Variants in CRADD observed in about 807,000 individuals in gnomAD.
CRADD encodes the protein CARD and death domain containing adaptor protein, also known as death domain-containing protein CRADD.
In CRADD, 9 loss-of-function variants were observed where a neutral mutation model predicts 15.5. The observed-to-expected ratio is 0.58, with a 90% confidence interval of 0.35 to 1.01. The LOEUF (loss-of-function observed/expected upper bound fraction) is 1.01, where lower values mean the gene tolerates loss of function less well. Among genes scored for constraint, CRADD ranks in the 50% least tolerant of loss-of-function variants. The probability of loss-of-function intolerance (pLI) is 0.02; values close to 1 mark genes in which losing one functional copy is unlikely to be tolerated. For missense variants in CRADD, 227 were observed against 250.3 expected, an observed-to-expected ratio of 0.91 and a Z score of 0.63; for synonymous variants, 118 against 107.6, an observed-to-expected ratio of 1.10 and a Z score of -0.60.
chr12:93,748,824 GTA>G (rs1340448171), intron 2 of CRADD, among the ~76,000 whole-genome samples: 5 of 152,200 alleles, frequency 3.3e-5, no homozygotes, highest in African/African-American at 1.2e-4. Context: ...TTGGAAACAG[GTA>G]TCTTTGGGGC....
rs761719331 is a variant in CRADD, at chr12:93,886,162, C to CTTTTTTTTTTTTTTTTTTTTTT, written c.299-7868_299-7867insTTTTTTTTTTTTTTTTTTTTTT. ...ATGGACATGCCTCTAGCTGCTGATGCTTTTTTTTTTTTTTTTTTTTGAGAC... is the reference window on the plus strand; with the variant it reads ...ATGGACATGCCTCTAGCTGCTGATGCTTTTTTTTTTTTTTTTTTTTTTTTTTTTTTTTTTTTTTTTTTGAGAC... On this transcript the variant is annotated intron_variant, in intron 2 of 2. Coordinates refer to the CRADD transcript ENST00000548483. 4.8e-5 allele frequency among the ~76,000 whole-genome samples: 6 copies of CTTTTTTTTTTTTTTTTTTTTTT among 123,948 alleles called. 1 individual carries two copies. Among genetic ancestry groups the CTTTTTTTTTTTTTTTTTTTTTT allele is most frequent in the Non-Finnish European group, 8.4e-5 (5 of 59,870 alleles). The allele number at this position is 123,948 out of a possible 152,430, so 81.3% of individuals were successfully genotyped here. A position where few individuals can be genotyped will look rare whatever the true frequency, so the allele number is the denominator to read the frequency against.
At chr12:93,680,405 A>G (rs955773106) in intron 2 of CRADD, among the ~76,000 whole-genome samples, 1 of 152,234 alleles carries the variant, frequency 6.6e-6, no homozygotes, top group African/African-American at 2.4e-5. Flanking sequence ...TGGACCTCAT[A>G]TTTTGACATA....
At chr12:93,788,472 G>A (rs1449165590) in intron 2 of CRADD, among the ~76,000 whole-genome samples, 2 of 152,190 alleles carry the variant, frequency 1.3e-5, no homozygotes. Context: ...CACAGTGTGT[G>A]TGGTCTCTGA....
At chr12:93,882,541 A>G (rs117318127) in intron 2 of CRADD, among the ~76,000 whole-genome samples, 343 of 152,078 alleles carry the variant, frequency 2.3e-3, no homozygotes, top group Middle Eastern at 0.01. Flanking sequence ...AAATTTGTAT[A>G]TAAAAGATTT....
intron 2 of CRADD, among the ~76,000 whole-genome samples, chr12:93,699,613 G>A (rs1448783870): frequency 6.6e-6 from 1 of 152,142 alleles, no homozygotes; most frequent in Non-Finnish European, 1.5e-5. Flanking sequence ...TCCTTTGAAG[G>A]AAATCTTTTG....
Position 93,767,873 on chromosome 12 carries a change from C to A in CRADD, c.299-82097C>A, listed in dbSNP as rs554228998. On this transcript the variant is annotated intron_variant, in intron 2 of 2. Coordinates refer to ENST00000332896, the MANE Select transcript of CRADD (RefSeq NM_003805.5). ...AGTCTTCTGAAGAAATACACACAAG[C>A]AAATTCAATTCAACACCACCAAAAA... Among the ~76,000 whole-genome samples the A allele has an allele frequency of 1.2e-4, 18 of 152,338 alleles. No homozygotes were observed. In the South Asian group the frequency reaches 3.5e-3, roughly 30 times the overall value.
At chr12:93,825,130 G>A (rs1957809931) in intron 2 of CRADD, among the ~76,000 whole-genome samples, 1 of 152,152 alleles carries the variant, frequency 6.6e-6, no homozygotes, top group Non-Finnish European at 1.5e-5. Flanking sequence ...TCCCGCGTTG[G>A]TTCTAGGCTC....
chr12:93,876,382 T>C (rs980453138), intron 2 of CRADD, among the ~76,000 whole-genome samples: 1 of 152,240 alleles, frequency 6.6e-6, no homozygotes, highest in African/African-American at 2.4e-5. Context: ...GGAAGTTCTC[T>C]GATATTATTC....
At chr12:93,749,487 G>A (rs752570980) in intron 2 of CRADD, among the ~76,000 whole-genome samples, 13 of 152,200 alleles carry the variant, frequency 8.5e-5, no homozygotes, top group Non-Finnish European at 1.3e-4. Flanking sequence ...TCTAGTGGAT[G>A]TCATGCTATA....
chr12:93,854,382 T>C (rs928654966), downstream of CRADD, among the ~76,000 whole-genome samples: 3 of 151,986 alleles, frequency 2.0e-5, no homozygotes, highest in African/African-American at 7.2e-5. Context: ...GTGGCAGGGG[T>C]TCCCCAGACA....
chr12:93,863,289 G>C (rs1958332002), intron 2 of CRADD, among the ~76,000 whole-genome samples: 1 of 152,246 alleles, frequency 6.6e-6, no homozygotes, highest in East Asian at 1.9e-4. Flanking sequence ...GGAAAGTTCT[G>C]TCTATAGCCC....
At chr12:93,795,073 G>A (rs1246009263) in intron 2 of CRADD, among the ~76,000 whole-genome samples, 3 of 152,142 alleles carry the variant, frequency 2.0e-5, no homozygotes, top group South Asian at 2.1e-4. Flanking sequence ...TTTATGTAAA[G>A]CATTTGTGTT....
rs1177491429 is a variant in CRADD, at chr12:93,822,484, TATGGGCAACTCCAGGC to T, written c.299-27471_299-27456del. Among the ~76,000 whole-genome samples, 5 of 152,130 alleles carry T rather than the reference TATGGGCAACTCCAGGC, an allele frequency of 3.3e-5. No individual in the cohort carries two copies. In the South Asian group the frequency reaches 6.2e-4, roughly 19 times the overall value. On this transcript the variant is annotated intron_variant, in intron 2 of 2. Coordinates refer to ENST00000332896, the MANE Select transcript of CRADD (RefSeq NM_003805.5). ...GCCATGAAGCTGAGACAAGGCTTGGTATGGGCAACTCCAGGCATGGGCAACTCCAGACCTCATCCTA... is the reference window on the plus strand; with the variant it reads ...GCCATGAAGCTGAGACAAGGCTTGGTATGGGCAACTCCAGACCTCATCCTA...
chr12:93,825,828 G>A (rs1957817600), intron 2 of CRADD, among the ~76,000 whole-genome samples: 1 of 152,218 alleles, frequency 6.6e-6, no homozygotes, highest in Non-Finnish European at 1.5e-5. Context: ...TGATGCCACA[G>A]AGGAAGACAG....
downstream of CRADD, among the ~76,000 whole-genome samples, chr12:93,851,101 G>A (rs925819928): frequency 7.9e-5 from 12 of 152,206 alleles, no homozygotes; most frequent in Admixed American, 7.8e-4. Context: ...CTGAAGTGTT[G>A]TGCTCCTAAG....
At chr12:93,696,164 T>C (rs929095688) in intron 2 of CRADD, among the ~76,000 whole-genome samples, 1 of 152,218 alleles carries the variant, frequency 6.6e-6, no homozygotes, top group African/African-American at 2.4e-5. Flanking sequence ...ATAGTCATTA[T>C]GGAAAACAGT....
chr12:93,737,522 TA>T (rs1421530142), intron 2 of CRADD, among the ~76,000 whole-genome samples: 2 of 152,156 alleles, frequency 1.3e-5, no homozygotes, highest in African/African-American at 4.8e-5. Flanking sequence ...GTCACCCAAC[TA>T]AAGCAGTCTG....
intron 2 of CRADD, among the ~76,000 whole-genome samples, chr12:93,776,376 G>A (rs987433769): frequency 6.6e-6 from 1 of 152,214 alleles, no homozygotes; most frequent in African/African-American, 2.4e-5. Flanking sequence ...AAGAGTGTGT[G>A]TATTTAAAAT....
intron 2 of CRADD, among the ~76,000 whole-genome samples, chr12:93,707,356 G>A (rs1307422641): frequency 6.6e-6 from 1 of 152,150 alleles, no homozygotes; most frequent in Non-Finnish European, 1.5e-5. Context: ...ATTAAGAAAG[G>A]GCTCAGCTGG....
Sources: allele counts gnomAD v4.1 joint callset (sites outside exome capture counted in the v4.1 genomes callset), GRCh38; gene constraint gnomAD v4.1.1; transcripts MANE v1.5; gene names NCBI Gene and HGNC (gene_info 2026-07-23, HGNC 2026-07-21).